LEF1: variants seen among roughly 807,000 people sequenced by gnomAD.
LEF1 encodes lymphoid enhancer-binding factor 1.
A neutral mutation model predicts 51.2 loss-of-function variants in LEF1; 14 were observed. The observed-to-expected ratio is 0.27, with a 90% CI of 0.18 to 0.43. The LOEUF (loss-of-function observed/expected upper bound fraction) is 0.43. Among genes scored for constraint, LEF1 ranks in the 20% least tolerant of loss-of-function variants. The pLI is 1.00. For missense variants in LEF1, 386 were observed against 512.0 expected (o/e 0.75, Z 2.37); for synonymous variants, 185 against 183.2 (o/e 1.01, Z -0.08).
At chr4:108,088,985 G>T in intron 4 of LEF1, 140 bp downstream of exon 4, 1 of 896,468 alleles carries the variant, frequency 1.1e-6, no homozygotes. Flanking sequence ...GCTATCAAAT[G>T]AATTACTCTT....
At chr4:108,050,114 C>T (rs943252681) in intron 11 of LEF1, among the ~76,000 whole-genome samples, 2 of 152,200 alleles carry the variant, frequency 1.3e-5, no homozygotes, top group African/African-American at 4.8e-5. Context: ...AAAAACCAAC[C>T]AACCAACAAA....
intron 3 of LEF1, among the ~76,000 whole-genome samples, chr4:108,110,707 A>G (rs191214381): frequency 6.6e-6 from 1 of 152,172 alleles, no homozygotes. Context: ...CCCTTCCATC[A>G]TCCTCGTTGA....
chr4:108,113,244 T>G (rs996677218), intron 3 of LEF1, among the ~76,000 whole-genome samples: 1 of 152,170 alleles, frequency 6.6e-6, no homozygotes, highest in Non-Finnish European at 1.5e-5. Context: ...TGGAACCAGA[T>G]AGCATTTTGA....
At chr4:108,075,796 A>C (rs1159657881) in intron 8 of LEF1, among the ~76,000 whole-genome samples, 4 of 152,204 alleles carry the variant, frequency 2.6e-5, no homozygotes, top group Non-Finnish European at 1.5e-5. Context: ...GGCTCAGAAA[A>C]ATATCATAGC....
At chr4:108,108,693 C>G (rs1741332696) in intron 3 of LEF1, among the ~76,000 whole-genome samples, 2 of 152,164 alleles carry the variant, frequency 1.3e-5, no homozygotes, top group Admixed American at 6.5e-5. Flanking sequence ...GAAACCAATA[C>G]AAATCACTAA....
Position 108,163,670 on chromosome 4 carries a change from CTTG to C in LEF1, c.309_311del (p.Asn103del), listed in dbSNP as rs758119627. The C allele has an allele frequency of 7.1e-5, 115 of 1,613,702 alleles. No individual in the cohort carries two copies. In the African/African-American group the frequency reaches 1.3e-3, roughly 19 times the overall value. On this transcript the variant is annotated inframe_deletion, in exon 3 of 12. Transcript: ENST00000265165. ...CGGAATAACTCGAGTAGGAGGGTCC[CTTG>C]TTGTAGAGGCCTCCATCTGGATGCT...
intron 3 of LEF1, among the ~76,000 whole-genome samples, chr4:108,127,858 G>C (rs1742643383): frequency 6.6e-6 from 1 of 152,126 alleles, no homozygotes; most frequent in Non-Finnish European, 1.5e-5. Flanking sequence ...AAAAGAATGA[G>C]GTCAGGGATT....
intron 1 of LEF1, chr4:108,166,606 G>T: frequency 1.8e-6 from 2 of 1,090,562 alleles, no homozygotes; most frequent in African/African-American, 3.3e-5. Flanking sequence ...GCCCTGCTCC[G>T]CGCTTTCTCT....
At chr4:108,078,017 G>C (rs1456483464) in intron 8 of LEF1, among the ~76,000 whole-genome samples, 1 of 151,354 alleles carries the variant, frequency 6.6e-6, no homozygotes, top group Non-Finnish European at 1.5e-5. Context: ...CTCCAGTCCA[G>C]CTTGGGCAAC....
chr4:108,086,351 T>C (rs1739646403), intron 4 of LEF1, among the ~76,000 whole-genome samples: 1 of 152,148 alleles, frequency 6.6e-6, no homozygotes, highest in African/African-American at 2.4e-5. Flanking sequence ...GCCTCCTGAG[T>C]AGCTGGGATT....
Position 108,167,947 on chromosome 4 carries a change from C to G in LEF1, c.-180G>C, listed in dbSNP as rs1745522817. On this transcript the variant is annotated 5_prime_UTR_variant, in exon 1 of 12. Transcript: ENST00000265165. The surrounding 1 kb of genome is among the most constrained non-coding windows in gnomAD (Gnocchi z 5.7). The stretch of plus-strand genomic sequence containing the variant: ...GCCGGCCGGCAGCCGGAGCAGCTGC[C>G]GCGGCGCCCGAATCCCGGCGGCCGC... 2 of 350,156 alleles carry G rather than the reference C, an allele frequency of 5.7e-6. No individual in the cohort carries two copies. Among genetic ancestry groups the G allele is most frequent in the Admixed American group, 4.9e-5 (1 of 20,386 alleles). The allele number at this position is 350,156 out of a possible 1,614,324, so 21.7% of individuals were successfully genotyped here.
In LEF1 at chr4:108,143,662, C is replaced by T. The variant is rs571379149; in HGVS notation, c.414+19906G>A. On this transcript the variant is annotated intron_variant, in intron 3 of 11. Coordinates refer to ENST00000265165, the MANE Select transcript of LEF1 (RefSeq NM_016269.5). ...TATACGGCGCCCCCTCAATCCCCTG[C>T]CCCCGCCTTCTTCAAGGCCCTCCTC... Among the ~76,000 whole-genome samples the T allele has an allele frequency of 6.6e-5, 10 of 152,286 alleles. No homozygotes were observed. The East Asian group carries it at 1.7e-3, about 26-fold the overall frequency.
intron 4 of LEF1, among the ~76,000 whole-genome samples, 155 bp downstream of exon 4, chr4:108,088,970 G>T (rs541830532): frequency 1.3e-5 from 2 of 152,186 alleles, no homozygotes; most frequent in East Asian, 3.9e-4. Flanking sequence ...TGTTTCCAAA[G>T]AATTGCTATC....
intron 11 of LEF1, among the ~76,000 whole-genome samples, chr4:108,060,264 C>G (rs1362486547): frequency 6.6e-6 from 1 of 152,032 alleles, no homozygotes; most frequent in Non-Finnish European, 1.5e-5. Flanking sequence ...CAGAGCCACT[C>G]AGACATAAAA....
At chr4:108,108,297 A>C (rs955403012) in intron 3 of LEF1, among the ~76,000 whole-genome samples, 5 of 152,144 alleles carry the variant, frequency 3.3e-5, no homozygotes, top group African/African-American at 1.2e-4. Flanking sequence ...GCTGGTAATA[A>C]AAAAAGGTCT....
At chr4:108,160,464 C>A (rs1464458791) in intron 3 of LEF1, among the ~76,000 whole-genome samples, 1 of 152,178 alleles carries the variant, frequency 6.6e-6, no homozygotes, top group Non-Finnish European at 1.5e-5. Context: ...AGAACTCACG[C>A]TGACACCAAA....
intron 3 of LEF1, among the ~76,000 whole-genome samples, chr4:108,111,024 G>A (rs577501315): frequency 1.3e-5 from 2 of 152,224 alleles, no homozygotes; most frequent in South Asian, 2.1e-4. Context: ...GGTAAAATTG[G>A]ATCAGTAATT....
At chr4:108,075,694 GGACT>G (rs1380518123) in intron 8 of LEF1, among the ~76,000 whole-genome samples, 1 of 152,236 alleles carries the variant, frequency 6.6e-6, no homozygotes, top group Non-Finnish European at 1.5e-5. Flanking sequence ...GTACTTGGAA[GGACT>G]GACTATGTAT....
chr4:108,064,107 G>C (rs1450945467), intron 10 of LEF1, among the ~76,000 whole-genome samples: 1 of 152,086 alleles, frequency 6.6e-6, no homozygotes, highest in Non-Finnish European at 1.5e-5. Flanking sequence ...TTTACAACCA[G>C]GATTCCAGGT....
Sources: gnomAD v4.1 joint callset for allele counts (sites outside exome capture counted in the v4.1 genomes callset) on GRCh38, gnomAD v4.1.1 for gene constraint, Gnocchi (gnomAD v3.1) non-coding constraint, MANE v1.5 for transcripts, NCBI Gene and HGNC (gene_info 2026-07-23, HGNC 2026-07-21) for gene names.